The following PLEKHA1 variants were observed in gnomAD, a reference collection of about 807,000 sequenced individuals.
PLEKHA1 encodes the protein pleckstrin homology domain containing A1.
In PLEKHA1, 34 loss-of-function variants were observed where a neutral mutation model predicts 52.0. The observed-to-expected ratio is 0.65, with a 90% CI of 0.50 to 0.87. The LOEUF (loss-of-function observed/expected upper bound fraction) is 0.87. Ranked by LOEUF, PLEKHA1 falls within the 40% of genes least tolerant of loss-of-function variation. The probability of loss-of-function intolerance (pLI) is 0.00; values close to 1 mark genes in which losing one functional copy is unlikely to be tolerated. For missense variants in PLEKHA1, 497 were observed against 504.2 expected (o/e 0.99, Z 0.14); for synonymous variants, 163 against 170.7 (o/e 0.95, Z 0.35).
chr10:122,400,446 A>G, intron 4 of PLEKHA1, 58 bp downstream of exon 4: 1 of 1,477,156 alleles, frequency 6.8e-7, no homozygotes, highest in Non-Finnish European at 9.2e-7. Context: ...TCATATTGTA[A>G]AAGAAAACTG....
intron 1 of PLEKHA1, among the ~76,000 whole-genome samples, chr10:122,375,674 G>A (rs1293626536): frequency 2.0e-5 from 3 of 152,204 alleles, no homozygotes; most frequent in Admixed American, 6.5e-5. Flanking sequence ...TGGTGAGGCT[G>A]TGCCCCCGCG....
At position 122,428,063 on chromosome 10, in the gene PLEKHA1, T is replaced by A. The variant is rs1348271341; in HGVS notation, c.900+1032T>A. Among the ~76,000 whole-genome samples the A allele has an allele frequency of 2.0e-5, 3 of 152,198 alleles. No individual in the cohort carries two copies. In the East Asian group the frequency reaches 5.8e-4, roughly 29 times the overall value. On this transcript the variant is annotated intron_variant, in intron 11 of 11. Coordinates refer to ENST00000368990, the MANE Select transcript of PLEKHA1 (RefSeq NM_001001974.4). ...GATGTTCATTTTGTAACTGCCTGTA[T>A]TTTATGTGACTTTTTCAGCAGTCAA... is the stretch of plus-strand genomic sequence containing the variant.
rs1171048959 is a variant in PLEKHA1 at position 122,374,794 on chromosome 10, G to A, written c.-33G>A. The A allele has an allele frequency of 6.6e-6, 1 of 151,982 alleles. No individual in the cohort carries two copies. The highest frequency in any genetic ancestry group is 2.0e-4 in the South Asian group (1 of 5,090). The allele number at this position is 151,982 out of a possible 1,614,324, so 9.4% of individuals were successfully genotyped here. A position where few individuals can be genotyped will look rare whatever the true frequency, so the allele number is the denominator to read the frequency against. On this transcript the variant is annotated 5_prime_UTR_variant, in exon 1 of 12. Coordinates refer to ENST00000368990, the MANE Select transcript of PLEKHA1 (RefSeq NM_001001974.4). ...GGGCCGCGGCGGCGCGGGTGCTCCG[G>A]GCCGAGGCCGCGGTAAAGTTTAGCT...
downstream of PLEKHA1, chr10:122,435,936 T>C (rs2097436038): frequency 6.6e-6 from 1 of 151,926 alleles, no homozygotes; most frequent in Non-Finnish European, 1.5e-5. Context: ...TTTACTCAGT[T>C]TCCCCCCAAC....
chr10:122,429,308 CTG>C (rs1407846515), intron 11 of PLEKHA1, among the ~76,000 whole-genome samples: 2 of 152,116 alleles, frequency 1.3e-5, no homozygotes, highest in East Asian at 1.9e-4. Flanking sequence ...AGCTGGAACA[CTG>C]TATTTCAGTT....
intron 1 of PLEKHA1, among the ~76,000 whole-genome samples, chr10:122,384,981 G>A (rs2133789026): frequency 6.6e-6 from 1 of 151,998 alleles, no homozygotes; most frequent in South Asian, 2.1e-4. Context: ...TTTTTAAATT[G>A]GTACTGGATT....
Position 122,393,444 on chromosome 10 carries a change from T to C in PLEKHA1, c.141+103T>C. On this transcript the variant is annotated intron_variant, in intron 2 of 11. Coordinates refer to ENST00000368990, the MANE Select transcript of PLEKHA1 (RefSeq NM_001001974.4). The surrounding 1 kb of genome is among the most constrained non-coding windows in gnomAD (Gnocchi z 4.5). ...AGATTTGTCTTCTTAAGCAGTATAT[T>C]TTTAGATTTATTTCTACTGGCTGTC... is the stretch of plus-strand genomic sequence containing the variant. The C allele has an allele frequency of 8.3e-7, 1 of 1,201,974 alleles. No individual in the cohort carries two copies. The highest frequency in any genetic ancestry group is 1.1e-6 in the Non-Finnish European group (1 of 909,896). 74.5% of individuals were successfully genotyped at this position (1,201,974 alleles called of 1,614,324 possible).
intron 1 of PLEKHA1, among the ~76,000 whole-genome samples, chr10:122,375,433 G>C (rs567391839): frequency 1.9e-4 from 29 of 152,260 alleles, no homozygotes; most frequent in Non-Finnish European, 3.8e-4. Flanking sequence ...GGTGGCCAGA[G>C]GCAGCGTTGA....
At position 122,393,345 on chromosome 10, in the gene PLEKHA1, T is replaced by G. The variant is rs968754533; in HGVS notation, c.141+4T>G. On this transcript the variant is annotated splice_donor_region_variant and intron_variant, in intron 2 of 11. Coordinates refer to ENST00000368990, the MANE Select transcript of PLEKHA1 (RefSeq NM_001001974.4). The surrounding 1 kb of genome is among the most constrained non-coding windows in gnomAD (Gnocchi z 4.5). ...GTGGTACATGGATAATCCACAGGTTTGTAAAATCCCAAGGATTATCTTTTA... is the reference window on the plus strand; with the variant it reads ...GTGGTACATGGATAATCCACAGGTTGGTAAAATCCCAAGGATTATCTTTTA... The G allele has an allele frequency of 2.5e-6, 4 of 1,592,036 alleles. No individual in the cohort carries two copies. The African/African-American group carries it at 5.4e-5, about 22-fold the overall frequency.
At chr10:122,411,022 C>A (rs1293743876) in intron 5 of PLEKHA1, among the ~76,000 whole-genome samples, 1 of 152,142 alleles carries the variant, frequency 6.6e-6, no homozygotes, top group Non-Finnish European at 1.5e-5. Context: ...TAATGGGCTT[C>A]CCTAGCAAAT....
intron 4 of PLEKHA1, among the ~76,000 whole-genome samples, chr10:122,400,661 G>A (rs1192182493): frequency 1.3e-5 from 2 of 152,154 alleles, no homozygotes; most frequent in Non-Finnish European, 2.9e-5. Context: ...ATCACCTCCA[G>A]TGAGATTTCA....
intron 4 of PLEKHA1, among the ~76,000 whole-genome samples, chr10:122,400,681 A>G (rs1485726119): frequency 6.6e-6 from 1 of 152,234 alleles, no homozygotes; most frequent in Non-Finnish European, 1.5e-5. Flanking sequence ...AGGGAATTTT[A>G]AACTTTCTAC....
chr10:122,409,595 A>G (rs1413281536), intron 5 of PLEKHA1, among the ~76,000 whole-genome samples: 1 of 152,124 alleles, frequency 6.6e-6, no homozygotes. Context: ...TAAATGTTCG[A>G]TTTGAATCTA....
intron 8 of PLEKHA1, chr10:122,421,530 CA>C (rs1165626878): frequency 6.6e-6 from 1 of 151,980 alleles, no homozygotes; most frequent in Admixed American, 6.6e-5. Flanking sequence ...GAAAAGTATT[CA>C]GGGGTAGTGT....
chr10:122,441,630 C>T, the PLEKHA1 span: 6 of 152,144 alleles, frequency 3.9e-5, no homozygotes, highest in Non-Finnish European at 2.9e-5. Context: ...TTCTGTGGTT[C>T]AGATAAAGAA....
intron 11 of PLEKHA1, 91 bp from the exon 12 acceptor site, chr10:122,429,530 GTTT>G (rs2097395137): frequency 2.4e-5 from 21 of 886,154 alleles, no homozygotes; most frequent in Non-Finnish European, 2.9e-5. Flanking sequence ...GTGTGTGTGT[GTTT>G]TATTTGTTTT....
At chr10:122,412,888 T>C (rs112599210) in intron 5 of PLEKHA1, 32 bp from the exon 6 acceptor site, 8 of 1,610,300 alleles carry the variant, frequency 5.0e-6, no homozygotes, top group Middle Eastern at 1.7e-4. Context: ...TAATGCTGGT[T>C]GCAAAATGAT....
chr10:122,377,979 T>G (rs1318698756), intron 1 of PLEKHA1, among the ~76,000 whole-genome samples: 1 of 152,258 alleles, frequency 6.6e-6, no homozygotes, highest in African/African-American at 2.4e-5. Flanking sequence ...TATTGTTTCC[T>G]ACATGGAACT....
At chr10:122,400,410 A>G (rs1161099553) in intron 4 of PLEKHA1, 22 bp downstream of exon 4, 1 of 1,588,804 alleles carries the variant, frequency 6.3e-7, no homozygotes. Flanking sequence ...TGTTATATAT[A>G]TTTTAAATAG....
Sources: allele counts gnomAD v4.1 joint callset (sites outside exome capture counted in the v4.1 genomes callset), GRCh38; gene constraint gnomAD v4.1.1; non-coding constraint Gnocchi (gnomAD v3.1); transcripts MANE v1.5; gene names NCBI Gene and HGNC (gene_info 2026-07-23, HGNC 2026-07-21).